PCDHA9: variants seen among roughly 807,000 people sequenced by gnomAD.
PCDHA9 encodes the protein protocadherin alpha-9.
Under a neutral mutation model 62.0 loss-of-function variants are expected in PCDHA9, and 62 were observed. The observed-to-expected ratio is 1.00, with a 90% confidence interval of 0.81 to 1.23. PCDHA9 has a LOEUF of 1.23. Ranked by LOEUF, PCDHA9 falls within the 50% of genes most tolerant of loss-of-function variation. The pLI is 0.00. For synonymous variants in PCDHA9, 557 were observed against 567.6 expected, an observed-to-expected ratio of 0.98 and a Z score of 0.27; for missense variants, 1,205 against 1,249.8, an observed-to-expected ratio of 0.96 and a Z score of 0.54.
At position 141,011,939 on chromosome 5, in the gene PCDHA9, A is replaced by T. The variant is rs955936849; in HGVS notation, c.*2002A>T. 5 of 153,690 alleles carry T rather than the reference A, an allele frequency of 3.3e-5. No individual in the cohort carries two copies. The highest frequency in any genetic ancestry group is 1.2e-4 in the African/African-American group (5 of 41,448). The allele number at this position is 153,690 out of a possible 1,614,324, so 9.5% of individuals were successfully genotyped here. A position where few individuals can be genotyped will look rare whatever the true frequency, so the allele number is the denominator to read the frequency against. On this transcript the variant is annotated 3_prime_UTR_variant, in exon 4 of 4. Coordinates refer to ENST00000532602, the MANE Select transcript of PCDHA9 (RefSeq NM_031857.2). ...TAAAAGAGGTAGGAGTCTGTTATTT[A>T]AAAAAAGCATTAAATTTAAAAAAAA...
intron 1 of PCDHA9, chr5:140,882,945 T>C (rs1554176195): frequency 6.2e-7 from 1 of 1,614,194 alleles, no homozygotes; most frequent in Non-Finnish European, 8.5e-7. Flanking sequence ...ACTGGCACAG[T>C]TCAGCTGCTC....
At chr5:140,946,165 G>A (rs1554217364) in intron 1 of PCDHA9, among the ~76,000 whole-genome samples, 5 of 151,838 alleles carry the variant, frequency 3.3e-5, no homozygotes, top group African/African-American at 1.2e-4. Flanking sequence ...TTAAAAGATG[G>A]GTAAAGGATG....
At chr5:140,996,836 C>T (rs1247616398) in intron 3 of PCDHA9, among the ~76,000 whole-genome samples, 43 of 152,096 alleles carry the variant, frequency 2.8e-4, no homozygotes, top group African/African-American at 1.0e-3. Flanking sequence ...AATAATTTAG[C>T]GTGCATCTTC....
chr5:140,872,755 C>A (rs1415992998), intron 1 of PCDHA9, among the ~76,000 whole-genome samples: 2 of 152,118 alleles, frequency 1.3e-5, no homozygotes, highest in African/African-American at 4.8e-5. Flanking sequence ...TAAAGACATG[C>A]ATATAGGGCT....
chr5:140,911,729 C>T (rs571299791), intron 1 of PCDHA9, among the ~76,000 whole-genome samples: 16 of 152,252 alleles, frequency 1.1e-4, no homozygotes, highest in South Asian at 4.2e-4. Flanking sequence ...GTAAACAGTT[C>T]GTGCCAAGGA....
At chr5:140,869,740 A>G in intron 1 of PCDHA9, 1 of 1,613,346 alleles carries the variant, frequency 6.2e-7, no homozygotes, top group Non-Finnish European at 8.5e-7. Flanking sequence ...TTTGCTGCTA[A>G]CAGCTACAGA....
chr5:141,009,290 A>G (rs1372878338), intron 3 of PCDHA9, among the ~76,000 whole-genome samples: 1 of 152,118 alleles, frequency 6.6e-6, no homozygotes, highest in Non-Finnish European at 1.5e-5. Context: ...TCCCATTTCT[A>G]TAAAATTTTT....
Position 140,877,000 on chromosome 5 carries a change from G to A in PCDHA9, c.2394+26111G>A, listed in dbSNP as rs191376557. The stretch of plus-strand genomic sequence containing the variant: ...GCACGCACTGTCGAGCTACGTGTCG[G>A]TGCACGCGGAGAGCGGCAAGGTGTA... On this transcript the variant is annotated intron_variant, in intron 1 of 3. Transcript: ENST00000532602. 1.7e-3 allele frequency: 2,818 copies of A among 1,612,598 alleles called. 5 individuals carry two copies. The highest frequency in any genetic ancestry group is 1.8e-3 in the Non-Finnish European group (2,166 of 1,179,806).
intron 1 of PCDHA9, among the ~76,000 whole-genome samples, chr5:140,904,015 AT>A (rs1171166257): frequency 6.6e-6 from 1 of 152,234 alleles, no homozygotes; most frequent in Non-Finnish European, 1.5e-5. Flanking sequence ...ACTTTAAAAA[AT>A]AATGGTATAA....
intron 1 of PCDHA9, among the ~76,000 whole-genome samples, chr5:140,940,974 A>G (rs1206597858): frequency 6.6e-6 from 1 of 152,220 alleles, no homozygotes; most frequent in Non-Finnish European, 1.5e-5. Flanking sequence ...GATATCTGGT[A>G]TCTAGTTACA....
intron 1 of PCDHA9, chr5:140,968,744 G>T: frequency 6.2e-7 from 1 of 1,614,164 alleles, no homozygotes; most frequent in Non-Finnish European, 8.5e-7. Context: ...CAACCTGACC[G>T]TGGTGGTCCG....
chr5:140,853,239 A>G (rs2150529987), intron 1 of PCDHA9: 14 of 978,474 alleles, frequency 1.4e-5, no homozygotes, highest in Middle Eastern at 5.3e-4. Flanking sequence ...AGTCCTTCAT[A>G]TTAATCTCTA....
chr5:140,945,709 G>C (rs1033770128), intron 1 of PCDHA9, among the ~76,000 whole-genome samples: 4 of 151,930 alleles, frequency 2.6e-5, no homozygotes, highest in Admixed American at 1.3e-4. Flanking sequence ...TGCAACAAAA[G>C]TATCAAGAAT....
chr5:140,877,433 A>G, intron 1 of PCDHA9: 8 of 1,613,774 alleles, frequency 5.0e-6, no homozygotes, highest in Non-Finnish European at 6.8e-6. Context: ...GTGAAGGACC[A>G]CGGTGAGCCC....
At chr5:140,857,245 C>T (rs1411907706) in intron 1 of PCDHA9, 5 of 1,598,612 alleles carry the variant, frequency 3.1e-6, no homozygotes, top group Non-Finnish European at 4.3e-6. Context: ...TGGTGTCCAC[C>T]TACAAGAATT....
intron 1 of PCDHA9, among the ~76,000 whole-genome samples, chr5:140,874,080 C>A (rs2054679872): frequency 6.6e-6 from 1 of 152,142 alleles, no homozygotes; most frequent in South Asian, 2.1e-4. Flanking sequence ...CTGATGACAT[C>A]AAAATTCAAA....
intron 1 of PCDHA9, chr5:140,854,600 A>G (rs1474878225): frequency 6.7e-6 from 1 of 149,994 alleles, no homozygotes; most frequent in African/African-American, 2.4e-5. Flanking sequence ...GTTTAAAGTA[A>G]TTGACACATT....
At chr5:140,882,212 G>A in intron 1 of PCDHA9, 1 of 1,539,436 alleles carries the variant, frequency 6.5e-7, no homozygotes. Context: ...TTGAGAGACA[G>A]TTTGAGGTAA....
chr5:140,877,091 C>A, intron 1 of PCDHA9: 1 of 1,613,252 alleles, frequency 6.2e-7, no homozygotes. Flanking sequence ...GCGCGCGACG[C>A]CGGCGTGCCG....
Sources: gnomAD v4.1 joint callset for allele counts (sites outside exome capture counted in the v4.1 genomes callset) on GRCh38, gnomAD v4.1.1 for gene constraint, MANE v1.5 for transcripts, NCBI Gene and HGNC (gene_info 2026-07-23, HGNC 2026-07-21) for gene names.